KMT5B: variants seen among roughly 807,000 people sequenced by gnomAD.
KMT5B encodes the protein lysine methyltransferase 5B, also known as histone-lysine N-methyltransferase KMT5B.
A neutral mutation model predicts 83.2 loss-of-function variants in KMT5B; 10 were observed. That is an observed-to-expected ratio of 0.12 (90% confidence interval 0.07 to 0.20). The LOEUF (loss-of-function observed/expected upper bound fraction) is 0.20. Ranked by LOEUF, KMT5B falls within the 10% of genes least tolerant of loss-of-function variation. KMT5B has a pLI of 1.00. For synonymous variants in KMT5B, 349 were observed against 388.8 expected (o/e 0.90, Z 1.20); for missense variants, 753 against 1,067.2 (o/e 0.71, Z 4.10).
intron 4 of KMT5B, among the ~76,000 whole-genome samples, chr11:68,177,079 G>A (rs1362179996): frequency 6.6e-6 from 1 of 152,122 alleles, no homozygotes; most frequent in African/African-American, 2.4e-5. Flanking sequence ...AGGATTATTA[G>A]GTGCTGTGTT....
chr11:68,212,399 A>G (rs1006538809), intron 1 of KMT5B, among the ~76,000 whole-genome samples: 1 of 152,258 alleles, frequency 6.6e-6, no homozygotes. Flanking sequence ...CAGTATTCCG[A>G]AAGTTCCACC....
intron 2 of KMT5B, 35 bp from the exon 3 acceptor site, chr11:68,185,963 T>C (rs1591006091): frequency 7.7e-6 from 12 of 1,551,506 alleles, no homozygotes; most frequent in African/African-American, 2.7e-5. Flanking sequence ...ATTACTCAAA[T>C]TGAAAACTAC....
Position 68,190,088 on chromosome 11 carries a change from G to A in KMT5B, c.-12C>T. ...CCCAACCACTTCATACCCACAGACA[G>A]CCTGACCCAGGTGCATTTAGTCACT... On this transcript the variant is annotated 5_prime_UTR_variant, in exon 2 of 11. Coordinates refer to ENST00000304363, the MANE Select transcript of KMT5B (RefSeq NM_017635.5). 1.2e-6 allele frequency: 2 copies of A among 1,611,786 alleles called. No individual in the cohort carries two copies. The highest frequency in any genetic ancestry group is 8.5e-7 in the Non-Finnish European group (1 of 1,178,730).
chr11:68,208,983 G>T (rs944606641), intron 1 of KMT5B, among the ~76,000 whole-genome samples: 5 of 152,158 alleles, frequency 3.3e-5, no homozygotes, highest in Non-Finnish European at 5.9e-5. Context: ...TTTCCAAGGG[G>T]GAAAGTGAAG....
intron 4 of KMT5B, among the ~76,000 whole-genome samples, chr11:68,177,481 T>TATTATA (rs1856494800): frequency 6.6e-6 from 1 of 151,788 alleles, no homozygotes; most frequent in African/African-American, 2.4e-5. Context: ...AGACATGAGG[T>TATTATA]CCTGAACAGG....
intron 9 of KMT5B, among the ~76,000 whole-genome samples, chr11:68,167,839 C>T (rs1855461048): frequency 6.6e-6 from 1 of 152,176 alleles, no homozygotes; most frequent in Non-Finnish European, 1.5e-5. Context: ...GTTCCTGCTT[C>T]TCCACATCCT....
intron 4 of KMT5B, among the ~76,000 whole-genome samples, chr11:68,178,267 T>C (rs1053940744): frequency 1.3e-5 from 2 of 152,242 alleles, no homozygotes; most frequent in African/African-American, 4.8e-5. Flanking sequence ...GCTTTATGTG[T>C]GTTCTATGCT....
intron 1 of KMT5B, among the ~76,000 whole-genome samples, chr11:68,201,097 A>G (rs572802587): frequency 6.6e-6 from 1 of 152,296 alleles, no homozygotes; most frequent in South Asian, 2.1e-4. Context: ...AGGGGAAAAG[A>G]TTTCAAGAAT....
At position 68,158,499 on chromosome 11, in the gene KMT5B, TGTC is replaced by T. The variant is rs1859465914; in HGVS notation, c.1844_1846del (p.Arg615del). 6.2e-7 allele frequency: 1 copy of T among 1,614,070 alleles called. No individual in the cohort carries two copies. Among genetic ancestry groups the T allele is most frequent in the Admixed American group, 1.7e-5 (1 of 60,006 alleles). On this transcript the variant is annotated inframe_deletion, in exon 11 of 11. Coordinates refer to ENST00000304363, the MANE Select transcript of KMT5B (RefSeq NM_017635.5). ...TGCAAACTGTTTCACAAGTTTTCCT[TGTC>T]GTGACTTCTTTTTGGACATGCCTGT... is the stretch of plus-strand genomic sequence containing the variant.
chr11:68,185,933 G>GAAAAGC lies in KMT5B; in HGVS notation c.161-11_161-6dup. 6.4e-7 allele frequency: 1 copy of GAAAAGC among 1,570,640 alleles called. No individual in the cohort carries two copies. The highest frequency in any genetic ancestry group is 8.6e-7 in the Non-Finnish European group (1 of 1,156,762). On this transcript the variant is annotated splice_polypyrimidine_tract_variant and splice_region_variant and intron_variant, in intron 2 of 10. Coordinates refer to ENST00000304363, the MANE Select transcript of KMT5B (RefSeq NM_017635.5). ...CAAATCCCGAGTTACCATTACCTGT[G>GAAAAGC]AAAAGCAAAAGCAAGAAAAATTACT... is the stretch of plus-strand genomic sequence containing the variant.
rs760069840 is a variant in KMT5B, at chr11:68,158,525, T to C, written c.1821A>G (p.Thr607=). The change falls in exon 11 of 11, where the codon ACA becomes ACG. Residue 607 remains threonine, a synonymous_variant. Coordinates refer to ENST00000304363, the MANE Select transcript of KMT5B (RefSeq NM_017635.5). The part of the protein sequence containing the change: ...KGEAKCHKSD[T]GMSKKKSRQG... Reference sequence around the variant, plus strand: ...GTCGTGACTTCTTTTTGGACATGCCTGTGTCACTCTTATGACACTTTGCCT... The same window carrying C: ...GTCGTGACTTCTTTTTGGACATGCCCGTGTCACTCTTATGACACTTTGCCT... The C allele has an allele frequency of 9.9e-6, 16 of 1,614,130 alleles. No homozygotes were observed. Among genetic ancestry groups the C allele is most frequent in the East Asian group, 2.2e-5 (1 of 44,900 alleles).
At chr11:68,187,060 G>C in intron 2 of KMT5B, among the ~76,000 whole-genome samples, 1 of 151,800 alleles carries the variant, frequency 6.6e-6, no homozygotes, top group East Asian at 1.9e-4. Flanking sequence ...GCAGTGGCAT[G>C]ATCACAGCTC....
chr11:68,209,245 A>T (rs1860560324), intron 1 of KMT5B, among the ~76,000 whole-genome samples: 1 of 152,186 alleles, frequency 6.6e-6, no homozygotes, highest in African/African-American at 2.4e-5. Context: ...CCGACCTAGA[A>T]TCCACTCAGT....
In KMT5B at chr11:68,157,447, C is replaced by G. The variant is rs1859380845; in HGVS notation, c.*241G>C. ...CAATTTTGCTTGAGCCTTTATTTTACAACAGGGCTTTACCTCTAACTCAGA... is the reference window on the plus strand; with the variant it reads ...CAATTTTGCTTGAGCCTTTATTTTAGAACAGGGCTTTACCTCTAACTCAGA... On this transcript the variant is annotated 3_prime_UTR_variant, in exon 11 of 11. Coordinates refer to ENST00000304363, the MANE Select transcript of KMT5B (RefSeq NM_017635.5). 2.3e-6 allele frequency: 1 copy of G among 434,970 alleles called. No individual in the cohort carries two copies. The highest frequency in any genetic ancestry group is 3.6e-6 in the Non-Finnish European group (1 of 276,524). 26.9% of individuals were successfully genotyped at this position (434,970 alleles called of 1,614,324 possible). A position where few individuals can be genotyped will look rare whatever the true frequency, so the allele number is the denominator to read the frequency against.
chr11:68,202,199 T>G (rs1474659720), intron 1 of KMT5B, among the ~76,000 whole-genome samples: 1 of 152,236 alleles, frequency 6.6e-6, no homozygotes, highest in African/African-American at 2.4e-5. Flanking sequence ...CACCACTGGT[T>G]AACAGTGAGT....
In KMT5B at chr11:68,157,633, T is replaced by C; in HGVS notation, c.*55A>G. The C allele has an allele frequency of 6.7e-7, 1 of 1,492,904 alleles. No individual in the cohort carries two copies. The highest frequency in any genetic ancestry group is 8.9e-7 in the Non-Finnish European group (1 of 1,125,932). The allele number at this position is 1,492,904 out of a possible 1,614,324, so 92.5% of individuals were successfully genotyped here. On this transcript the variant is annotated 3_prime_UTR_variant, in exon 11 of 11. Coordinates refer to ENST00000304363, the MANE Select transcript of KMT5B (RefSeq NM_017635.5). ...AACTTTCAGTTGAGGAATAATTGAC[T>C]GGAATTTTTTATTTCTTTAAAGTAG...
intron 1 of KMT5B, among the ~76,000 whole-genome samples, chr11:68,204,611 G>GTTTTTTTTTTTTTT (rs34315868): frequency 9.4e-6 from 1 of 106,150 alleles, no homozygotes; most frequent in Non-Finnish European, 1.8e-5. Context: ...TAAATTTCCG[G>GTTTTTTTTTTTTTT]TTTTTTTTTT....
chr11:68,200,768 A>G (rs768538792), intron 1 of KMT5B, among the ~76,000 whole-genome samples: 1 of 152,240 alleles, frequency 6.6e-6, no homozygotes, highest in African/African-American at 2.4e-5. Flanking sequence ...ACGAAGTGGA[A>G]TTCCTGAGGA....
chr11:68,184,532 T>A (rs1053684299), intron 3 of KMT5B, among the ~76,000 whole-genome samples: 5 of 152,194 alleles, frequency 3.3e-5, no homozygotes, highest in Admixed American at 2.6e-4. Context: ...AAGACTTTCC[T>A]CTAATTACCT....
Sources: allele counts gnomAD v4.1 joint callset (sites outside exome capture counted in the v4.1 genomes callset), GRCh38; gene constraint gnomAD v4.1.1; transcripts MANE v1.5; gene names NCBI Gene and HGNC (gene_info 2026-07-23, HGNC 2026-07-21).